Variants in FAM221A observed in about 807,000 individuals in gnomAD.
The protein encoded by FAM221A is protein FAM221A.
A neutral mutation model predicts 37.6 loss-of-function variants in FAM221A; 43 were observed. The observed-to-expected ratio is 1.15, with a 90% confidence interval of 0.90 to 1.48. The LOEUF (loss-of-function observed/expected upper bound fraction) is 1.48, where lower values mean the gene tolerates loss of function less well. Among genes scored for constraint, FAM221A ranks in the 40% most tolerant of loss-of-function variants. The probability of loss-of-function intolerance (pLI) is 0.00; values close to 1 mark genes in which losing one functional copy is unlikely to be tolerated. For synonymous variants in FAM221A, 135 were observed against 132.9 expected (o/e 1.02, Z -0.11); for missense variants, 361 against 361.5 (o/e 1.00, Z 0.01).
intron 2 of FAM221A, among the ~76,000 whole-genome samples, chr7:23,685,246 TCAAAACAAAGCAAAA>T (rs879526107): frequency 7.2e-4 from 101 of 140,148 alleles, no homozygotes; most frequent in Middle Eastern, 3.5e-3. Context: ...AGACTCTGTC[TCAAAACAAAGCAAAA>T]CAAAACAAAA....
rs187564579 is a variant in FAM221A, at chr7:23,698,657, G to C, written c.745+358G>C. 3.1e-3 allele frequency among the ~76,000 whole-genome samples: 469 copies of C among 152,244 alleles called. 3 individuals are homozygous for C. Among genetic ancestry groups the C allele is most frequent in the Middle Eastern group, 0.014 (4 of 294 alleles). ...AGGCGTAATCCAGTGATAACCATAG[G>C]TTAGCAGGGTTTTATCATTTATAAA... On this transcript the variant is annotated intron_variant, in intron 5 of 6. Coordinates refer to ENST00000344962, the MANE Select transcript of FAM221A (RefSeq NM_199136.5).
intron 1 of FAM221A, among the ~76,000 whole-genome samples, chr7:23,683,687 A>G (rs1211567574): frequency 6.6e-6 from 1 of 152,180 alleles, no homozygotes; most frequent in African/African-American, 2.4e-5. Context: ...TTATATAGGA[A>G]GTGGAGGGGA....
intron 5 of FAM221A, 65 bp from the exon 6 acceptor site, chr7:23,700,721 T>C: frequency 9.3e-7 from 1 of 1,075,390 alleles, no homozygotes; most frequent in Non-Finnish European, 1.3e-6. Flanking sequence ...AAACTTTTCT[T>C]TCTTTTATTT....
intron 4 of FAM221A, chr7:23,693,204 T>G (rs1389796468): frequency 1.3e-5 from 2 of 152,260 alleles, no homozygotes; most frequent in African/African-American, 4.8e-5. Context: ...CGTGTTAACC[T>G]GTAAAATTCT....
intron 4 of FAM221A, among the ~76,000 whole-genome samples, 192 bp downstream of exon 4, chr7:23,691,788 A>T (rs1474147568): frequency 6.6e-6 from 1 of 152,168 alleles, no homozygotes; most frequent in African/African-American, 2.4e-5. Flanking sequence ...CCTATTTAGT[A>T]TCCATAAAAG....
rs1013481338 is a variant in FAM221A, at chr7:23,684,639, T to A, written c.206T>A (p.Val69Glu). 3 of 1,613,884 alleles carry A rather than the reference T, an allele frequency of 1.9e-6. No homozygotes were observed. Among genetic ancestry groups the A allele is most frequent in the Non-Finnish European group, 2.5e-6 (3 of 1,179,942 alleles). Reference sequence around the variant, plus strand: ...CCAACAGGGATGGATTGTAAACTTGTGGGCCCAGAGACACTGTGTTTTTGT... The same window carrying A: ...CCAACAGGGATGGATTGTAAACTTGAGGGCCCAGAGACACTGTGTTTTTGT... The part of the protein sequence containing the change: ...RSPTGMDCKL[V>E]GPETLCFCTH... Residue 69 changes from valine (V) to glutamate (E), a missense_variant, in exon 2 of 7, where the codon GTG (valine) becomes GAG (glutamate). Transcript: ENST00000344962.
intron 4 of FAM221A, among the ~76,000 whole-genome samples, chr7:23,695,787 T>G (rs1283513451): frequency 6.6e-6 from 1 of 152,218 alleles, no homozygotes; most frequent in Non-Finnish European, 1.5e-5. Context: ...GTTACCATTC[T>G]TATTACTTAG....
At chr7:23,690,506 T>G (rs1784681135) in intron 3 of FAM221A, among the ~76,000 whole-genome samples, 1 of 152,078 alleles carries the variant, frequency 6.6e-6, no homozygotes, top group Non-Finnish European at 1.5e-5. Flanking sequence ...TGCCTAGCTG[T>G]TCCCATATAT....
At position 23,691,607 on chromosome 7, in the gene FAM221A, C is replaced by A. The variant is rs763063520; in HGVS notation, c.637+11C>A. 6.2e-7 allele frequency: 1 copy of A among 1,610,606 alleles called. No individual in the cohort carries two copies. Among genetic ancestry groups the A allele is most frequent in the South Asian group, 1.1e-5 (1 of 90,968 alleles). On this transcript the variant is annotated intron_variant, in intron 4 of 6. Coordinates refer to ENST00000344962, the MANE Select transcript of FAM221A (RefSeq NM_199136.5). ...ATGACAGTGGGATTGGTAAGTGATA[C>A]TATATGAAATGTGAGCCCATTGTAT...
In FAM221A at chr7:23,702,261, T is replaced by G. The variant is rs1244464996; in HGVS notation, c.*97T>G. 1.4e-6 allele frequency: 1 copy of G among 704,542 alleles called. No homozygotes were observed. The highest frequency in any genetic ancestry group is 1.9e-5 in the African/African-American group (1 of 53,768). The allele number at this position is 704,542 out of a possible 1,614,324, so 43.6% of individuals were successfully genotyped here. A position where few individuals can be genotyped will look rare whatever the true frequency, so the allele number is the denominator to read the frequency against. Reference sequence around the variant, plus strand: ...TATTTTTCCTGAAATTATTTACTTTTTTTTTTTACTGTATAAATGTCTTTT... The same window carrying G: ...TATTTTTCCTGAAATTATTTACTTTGTTTTTTTACTGTATAAATGTCTTTT... On this transcript the variant is annotated 3_prime_UTR_variant, in exon 7 of 7. Coordinates refer to ENST00000344962, the MANE Select transcript of FAM221A (RefSeq NM_199136.5).
intron 3 of FAM221A, 23 bp downstream of exon 3, chr7:23,689,482 C>T (rs1206541022): frequency 1.3e-6 from 2 of 1,482,964 alleles, no homozygotes; most frequent in Admixed American, 1.7e-5. Flanking sequence ...ATTATAAACA[C>T]ATAAACTCAG....
At chr7:23,699,310 A>AGCT (rs1386066156) in intron 5 of FAM221A, among the ~76,000 whole-genome samples, 1 of 150,580 alleles carries the variant, frequency 6.6e-6, no homozygotes, top group East Asian at 2.0e-4. Flanking sequence ...TTGCAGCAGC[A>AGCT]GGGTCTTGCT....
chr7:23,691,897 C>A (rs917852747), intron 4 of FAM221A, among the ~76,000 whole-genome samples: 1 of 152,118 alleles, frequency 6.6e-6, no homozygotes, highest in Non-Finnish European at 1.5e-5. Context: ...AAATTTGAAT[C>A]TGCATCTCCA....
intron 1 of FAM221A, among the ~76,000 whole-genome samples, chr7:23,682,215 A>G (rs928144340): frequency 6.6e-6 from 1 of 151,544 alleles, no homozygotes; most frequent in African/African-American, 2.4e-5. Context: ...ACAGGCATGC[A>G]TCTCCGCACC....
chr7:23,688,200 A>G (rs1784484088), intron 2 of FAM221A: 1 of 152,106 alleles, frequency 6.6e-6, no homozygotes, highest in Non-Finnish European at 1.5e-5. Context: ...GCCCACCACC[A>G]CGCTCGGCTA....
Position 23,684,581 on chromosome 7 carries a change from T to A in FAM221A, c.148T>A (p.Leu50Ile). The change falls in exon 2 of 7, where the codon TTA becomes ATA. Residue 50 changes from leucine (L) to isoleucine (I), a missense_variant. Physicochemically the swap from Leu to Ile is conservative, Grantham distance 5 (BLOSUM62 2). Transcript: ENST00000344962. The part of the protein sequence containing the change: ...EYKRKVLPLR[L>I]QNRLFVSWRS... ...CAAAAGAAAAGTTTTACCTCTGCGCTTACAAAACAGATTATTTGTGAGCTG... is the reference window on the plus strand; with the variant it reads ...CAAAAGAAAAGTTTTACCTCTGCGCATACAAAACAGATTATTTGTGAGCTG... The A allele has an allele frequency of 6.2e-7, 1 of 1,614,160 alleles. No homozygotes were observed. The highest frequency in any genetic ancestry group is 2.2e-5 in the East Asian group (1 of 44,876).
At position 23,684,633 on chromosome 7, in the gene FAM221A, A is replaced by G. The variant is rs1240971230; in HGVS notation, c.200A>G (p.Lys67Arg). 3 of 1,614,072 alleles carry G rather than the reference A, an allele frequency of 1.9e-6. No homozygotes were observed. The highest frequency in any genetic ancestry group is 8.5e-7 in the Non-Finnish European group (1 of 1,179,970). ...CGGTCACCAACAGGGATGGATTGTA[A>G]ACTTGTGGGCCCAGAGACACTGTGT... ...SWRSPTGMDC[K>R]LVGPETLCFC... Residue 67 changes from lysine to arginine, a missense_variant, in exon 2 of 7, where the codon AAA becomes AGA. By Grantham distance (26) the Lys-to-Arg change is conservative (BLOSUM62 2). Transcript: ENST00000344962.
At chr7:23,700,146 C>CTTCT (rs149827141) in intron 5 of FAM221A, among the ~76,000 whole-genome samples, 8,578 of 152,228 alleles carry the variant, frequency 0.056, 293 homozygotes, top group East Asian at 0.13. Context: ...GCTTTAGAAA[C>CTTCT]TAGAAGCGCA....
At chr7:23,680,487 G>A (rs977619084) in intron 1 of FAM221A, among the ~76,000 whole-genome samples, 3 of 151,948 alleles carry the variant, frequency 2.0e-5, no homozygotes, top group Non-Finnish European at 4.4e-5. Flanking sequence ...GCAGTGATGA[G>A]TCTTCCAATA....
Sources: gnomAD v4.1 joint callset for allele counts (sites outside exome capture counted in the v4.1 genomes callset) on GRCh38, gnomAD v4.1.1 for gene constraint, MANE v1.5 for transcripts, NCBI Gene and HGNC (gene_info 2026-07-23, HGNC 2026-07-21) for gene names.